The following SPATA1 variants were observed in gnomAD, a reference collection of about 807,000 sequenced individuals.
SPATA1 encodes spermatogenesis associated 1, also known as spermatogenesis-associated protein 1.
Under a neutral mutation model 59.6 loss-of-function variants are expected in SPATA1, and 57 were observed. The ratio of observed to expected loss-of-function variants is 0.96; its 90% CI spans 0.77 to 1.19. SPATA1 has a LOEUF of 1.19. Among genes scored for constraint, SPATA1 ranks in the 50% most tolerant of loss-of-function variants. SPATA1 has a pLI of 0.00. For missense variants in SPATA1, 448 were observed against 480.7 expected, an observed-to-expected ratio of 0.93 and a Z score of 0.64; for synonymous variants, 147 against 163.9, an observed-to-expected ratio of 0.90 and a Z score of 0.79.
At chr1:84,553,738 T>G (rs1684344666) in exon 13 of SPATA1, 1 of 152,156 alleles carries the variant, frequency 6.6e-6, no homozygotes, top group Non-Finnish European at 1.5e-5. Flanking sequence ...AATATTCTCA[T>G]AACAGATGGT....
intron 12 of SPATA1, chr1:84,550,969 T>C (rs1428109010): frequency 5.1e-6 from 5 of 983,396 alleles, no homozygotes; most frequent in African/African-American, 1.7e-5. Context: ...ATGTGTCTTC[T>C]ACTAGATGTT....
At chr1:84,520,522 A>C in intron 2 of SPATA1, 63 bp from the exon 3 acceptor site, 1 of 873,120 alleles carries the variant, frequency 1.1e-6, no homozygotes, top group South Asian at 1.8e-5. Flanking sequence ...TCTATAGGAC[A>C]TCAATTGATT....
At chr1:84,517,631 T>C (rs1292501666) in intron 2 of SPATA1, among the ~76,000 whole-genome samples, 2 of 152,108 alleles carry the variant, frequency 1.3e-5, no homozygotes, top group African/African-American at 4.8e-5. Flanking sequence ...CTTGGAGTTA[T>C]ACTTGATTCT....
At chr1:84,548,716 G>C (rs1158442874) in intron 10 of SPATA1, 70 bp from the exon 11 acceptor site, 10 of 1,327,134 alleles carry the variant, frequency 7.5e-6, no homozygotes, top group Non-Finnish European at 9.6e-6. Flanking sequence ...AGGATGAAAA[G>C]TTGAATCCTT....
chr1:84,536,668 TCTC>T (rs1201798750), intron 8 of SPATA1, among the ~76,000 whole-genome samples: 1 of 151,906 alleles, frequency 6.6e-6, no homozygotes, highest in East Asian at 1.9e-4. Context: ...ATGGTCTTGA[TCTC>T]CTGACCTCGT....
downstream of SPATA1, among the ~76,000 whole-genome samples, chr1:84,555,463 T>A (rs1205442046): frequency 6.6e-6 from 1 of 152,256 alleles, no homozygotes; most frequent in Admixed American, 6.5e-5. Context: ...GATGGATTTA[T>A]CAGGGTATTT....
chr1:84,555,874 A>G (rs1517602), downstream of SPATA1: 27,510 of 152,220 alleles, frequency 0.18, 2,770 homozygotes, highest in South Asian at 0.3. Flanking sequence ...CTGGTCCTCT[A>G]AAACCAGCTT....
Position 84,545,827 on chromosome 1 carries a change from GAATAAAT to G in SPATA1, c.946+75_946+81del, listed in dbSNP as rs1684067840. 7 of 1,116,540 alleles carry G rather than the reference GAATAAAT, an allele frequency of 6.3e-6. No homozygotes were observed. The East Asian group carries it at 2.0e-4, about 31-fold the overall frequency. The allele number at this position is 1,116,540 out of a possible 1,614,324, so 69.2% of individuals were successfully genotyped here. A position where few individuals can be genotyped will look rare whatever the true frequency, so the allele number is the denominator to read the frequency against. On this transcript the variant is annotated intron_variant, in intron 10 of 12. Coordinates refer to ENST00000490879, the Ensembl canonical transcript of SPATA1. ...AAGTTTTACAGAATTGATCCTTTTA[GAATAAAT>G]AATAAAGTTATAATTAATATTTACT...
At chr1:84,536,423 A>C (rs1166380330) in intron 8 of SPATA1, among the ~76,000 whole-genome samples, 1 of 152,192 alleles carries the variant, frequency 6.6e-6, no homozygotes, top group Non-Finnish European at 1.5e-5. Flanking sequence ...GGGATATAAA[A>C]ATGTTAAGAG....
At chr1:84,529,624 C>G (rs912634871) in intron 6 of SPATA1, among the ~76,000 whole-genome samples, 5 of 130,132 alleles carry the variant, frequency 3.8e-5, no homozygotes, top group Non-Finnish European at 7.8e-5. Context: ...GCTCTGTTGC[C>G]AGGCTGCAGT....
At chr1:84,507,242 A>G (rs964038129) in intron 1 of SPATA1, 1 of 152,162 alleles carries the variant, frequency 6.6e-6, no homozygotes, top group African/African-American at 2.4e-5. Context: ...TAATAATTTT[A>G]TCATTAATGG....
downstream of SPATA1, among the ~76,000 whole-genome samples, chr1:84,566,530 T>C (rs1481282361): frequency 2.6e-5 from 4 of 152,310 alleles, no homozygotes; most frequent in Non-Finnish European, 2.9e-5. Flanking sequence ...AAGACAATAG[T>C]GGTGTCTTAC....
exon 12 of SPATA1, chr1:84,550,471 A>G: frequency 6.4e-7 from 1 of 1,568,414 alleles, no homozygotes; most frequent in Non-Finnish European, 8.6e-7. Flanking sequence ...ACAGCATGCA[A>G]TTGACCAGCT....
intron 4 of SPATA1, among the ~76,000 whole-genome samples, chr1:84,562,697 T>C (rs978037548): frequency 2.6e-5 from 4 of 152,242 alleles, no homozygotes; most frequent in Admixed American, 6.5e-5. Context: ...CTTGACAGAA[T>C]TGCTAATCAC....
intron 8 of SPATA1, among the ~76,000 whole-genome samples, chr1:84,537,180 C>G (rs926197866): frequency 1.3e-5 from 2 of 152,100 alleles, no homozygotes; most frequent in African/African-American, 4.8e-5. Flanking sequence ...GCCCGGCCTA[C>G]TTGATTTCTT....
chr1:84,517,261 C>A (rs1250947627), intron 2 of SPATA1, among the ~76,000 whole-genome samples: 1 of 152,114 alleles, frequency 6.6e-6, no homozygotes, highest in Non-Finnish European at 1.5e-5. Context: ...CTTTACTGGG[C>A]CTTCATCTTC....
chr1:84,519,100 T>G (rs1055686259), intron 2 of SPATA1, among the ~76,000 whole-genome samples: 1 of 152,050 alleles, frequency 6.6e-6, no homozygotes. Context: ...CAAAAAATTT[T>G]TTTAGTAAAA....
chr1:84,546,749 T>C lies in SPATA1; in HGVS notation c.946+990T>C, dbSNP rs753315972. On this transcript the variant is annotated intron_variant, in intron 10 of 12. Transcript: ENST00000490879. ...AGATCACCTTATATATCACTTACTG[T>C]AGAAGCCTACTTTGAGTCCCTTGGT... is the stretch of plus-strand genomic sequence containing the variant. 1.1e-4 allele frequency among the ~76,000 whole-genome samples: 16 copies of C among 152,188 alleles called. 1 individual carries two copies. The highest frequency in any genetic ancestry group is 5.9e-5 in the Non-Finnish European group (4 of 68,032).
At chr1:84,513,424 A>G (rs1682659078) in intron 1 of SPATA1, among the ~76,000 whole-genome samples, 1 of 152,174 alleles carries the variant, frequency 6.6e-6, no homozygotes. Context: ...CGTGAGCCAC[A>G]GTGCCAGCCA....
Sources: gnomAD v4.1 joint callset for allele counts (sites outside exome capture counted in the v4.1 genomes callset) on GRCh38, gnomAD v4.1.1 for gene constraint, MANE v1.5 for transcripts, NCBI Gene and HGNC (gene_info 2026-07-23, HGNC 2026-07-21) for gene names.